The following FREM1 variants were observed in gnomAD, a reference collection of about 807,000 sequenced individuals.
FREM1 encodes FRAS1-related extracellular matrix protein 1.
In FREM1, 220 loss-of-function variants were observed where a neutral mutation model predicts 210.1. The ratio of observed to expected loss-of-function variants is 1.05; its 90% CI spans 0.94 to 1.17. The LOEUF (loss-of-function observed/expected upper bound fraction) is 1.17. Among genes scored for constraint, FREM1 ranks in the 50% most tolerant of loss-of-function variants. The pLI is 0.00. For synonymous variants in FREM1, 1,189 were observed against 980.2 expected, an observed-to-expected ratio of 1.21 and a Z score of -3.98; for missense variants, 3,454 against 2,675.5, an observed-to-expected ratio of 1.29 and a Z score of -6.42.
intron 36 of FREM1, among the ~76,000 whole-genome samples, chr9:14,739,122 G>C (rs1276320749): frequency 1.3e-5 from 2 of 149,918 alleles, no homozygotes; most frequent in East Asian, 2.0e-4. Flanking sequence ...ATTATTATTT[G>C]AGACAGGGTC....
chr9:14,747,021 T>A lies in FREM1; in HGVS notation c.6040A>T (p.Thr2014Ser), dbSNP rs767740329. The A allele has an allele frequency of 1.2e-6, 2 of 1,613,032 alleles. No individual in the cohort carries two copies. The highest frequency in any genetic ancestry group is 1.7e-6 in the Non-Finnish European group (2 of 1,179,500). ...DQLPSFPKNC[T>S]LELKGLFHFE... is the part of the protein sequence containing the mutation. Reference sequence around the variant, plus strand: ...TGGAAGAGTCCCTTTAATTCCAGAGTGCAGTTCTTTGGAAATGAGGGCAAC... The same window carrying A: ...TGGAAGAGTCCCTTTAATTCCAGAGAGCAGTTCTTTGGAAATGAGGGCAAC... The change falls in exon 34 of 37, where the codon ACT becomes TCT. Residue 2014 changes from threonine to serine, a missense_variant. By Grantham distance (58) the Thr-to-Ser change is moderately conservative. Coordinates refer to ENST00000380880, the MANE Select transcript of FREM1 (RefSeq NM_001379081.2).
rs1001470124 is a variant in FREM1, at chr9:14,824,900, C to A, written c.1974G>T (p.Val658=). 3.1e-6 allele frequency: 5 copies of A among 1,612,074 alleles called. No individual in the cohort carries two copies. In the African/African-American group the frequency reaches 6.7e-5, roughly 22 times the overall value. ...SRHLVVKETE[V]AYITKKQLHF... is the part of the protein sequence containing the mutation. ...GTAGCTGTTTCTTAGTTATATAGGCCACCTCAGTTTCCTTGACAACCAAAT... is the reference window on the plus strand; with the variant it reads ...GTAGCTGTTTCTTAGTTATATAGGCAACCTCAGTTTCCTTGACAACCAAAT... The change falls in exon 11 of 37, where the codon GTG becomes GTT. Residue 658 remains valine, a synonymous_variant. Coordinates refer to ENST00000380880, the MANE Select transcript of FREM1 (RefSeq NM_001379081.2).
At chr9:14,891,551 A>T (rs963301574) in intron 1 of FREM1, among the ~76,000 whole-genome samples, 2 of 152,146 alleles carry the variant, frequency 1.3e-5, no homozygotes, top group Non-Finnish European at 2.9e-5. Flanking sequence ...ACACAGCAAG[A>T]CCCTGCCTCA....
At chr9:14,891,161 C>G (rs984015418) in intron 1 of FREM1, among the ~76,000 whole-genome samples, 1 of 152,200 alleles carries the variant, frequency 6.6e-6, no homozygotes, top group Non-Finnish European at 1.5e-5. Context: ...CAACACCAAA[C>G]TGTGTAAAAG....
intron 1 of FREM1, among the ~76,000 whole-genome samples, chr9:14,902,178 C>T (rs1266188027): frequency 6.6e-6 from 1 of 152,156 alleles, no homozygotes; most frequent in Non-Finnish European, 1.5e-5. Context: ...CAACTTCCAT[C>T]ACTCCTGGAC....
chr9:14,785,152 T>C (rs1850219306), intron 23 of FREM1, among the ~76,000 whole-genome samples: 1 of 152,244 alleles, frequency 6.6e-6, no homozygotes, highest in South Asian at 2.1e-4. Flanking sequence ...ATTGCAGTAC[T>C]GTCTGTAATT....
chr9:14,789,592 CA>C (rs1182341384), intron 22 of FREM1, among the ~76,000 whole-genome samples: 2 of 152,094 alleles, frequency 1.3e-5, no homozygotes, highest in Admixed American at 1.3e-4. Flanking sequence ...AAAAATAGAA[CA>C]GATGCATTTA....
intron 8 of FREM1, among the ~76,000 whole-genome samples, chr9:14,845,013 T>C (rs1826337033): frequency 6.6e-6 from 1 of 152,240 alleles, no homozygotes; most frequent in Non-Finnish European, 1.5e-5. Flanking sequence ...TTATCATACA[T>C]TTATTATTTT....
Position 14,770,685 on chromosome 9 carries a change from T to A in FREM1, c.4979A>T (p.Asp1660Val). ...GATCTGATCGTCCTCAGTGTCAGGG[T>A]CTGATGCCTTCAACACGCGGGAAGT... ...YITSRVLKAS[D>V]PDTEDDQIIF... Residue 1660 changes from aspartate (D) to valine (V), a missense_variant, in exon 26 of 37, where the codon GAC (aspartate) becomes GTC (valine). Physicochemically the swap from Asp to Val is radical, Grantham distance 152 (BLOSUM62 -3). Coordinates refer to ENST00000380880, the MANE Select transcript of FREM1 (RefSeq NM_001379081.2). 6.2e-7 allele frequency: 1 copy of A among 1,613,554 alleles called. No homozygotes were observed. The highest frequency in any genetic ancestry group is 8.5e-7 in the Non-Finnish European group (1 of 1,179,566).
chr9:14,802,157 G>C (rs774301732), intron 19 of FREM1, among the ~76,000 whole-genome samples: 3 of 152,160 alleles, frequency 2.0e-5, no homozygotes, highest in Non-Finnish European at 2.9e-5. Flanking sequence ...TTGTTCATAA[G>C]TCAAAGGTCA....
At chr9:14,871,105 C>A (rs891993485) in intron 1 of FREM1, among the ~76,000 whole-genome samples, 1 of 152,240 alleles carries the variant, frequency 6.6e-6, no homozygotes, top group African/African-American at 2.4e-5. Context: ...AATGGAGCTG[C>A]AATAAACATA....
At chr9:14,781,449 T>G (rs1238653343) in intron 24 of FREM1, among the ~76,000 whole-genome samples, 1 of 152,246 alleles carries the variant, frequency 6.6e-6, no homozygotes, top group Non-Finnish European at 1.5e-5. Context: ...ACTCTTATTA[T>G]TTACTAGTTT....
intron 22 of FREM1, chr9:14,791,142 T>C (rs986106751): frequency 6.6e-6 from 1 of 152,202 alleles, no homozygotes; most frequent in Admixed American, 6.5e-5. Flanking sequence ...AAATAAACAT[T>C]TGGACTGATT....
intron 12 of FREM1, among the ~76,000 whole-genome samples, chr9:14,823,756 C>T (rs1022043017): frequency 2.6e-5 from 4 of 152,152 alleles, no homozygotes; most frequent in African/African-American, 7.2e-5. Flanking sequence ...ACACCAGATA[C>T]CCAAACTAGA....
chr9:14,775,746 GT>G (rs772302154), intron 25 of FREM1, 42 bp downstream of exon 25: 2 of 871,490 alleles, frequency 2.3e-6, no homozygotes, highest in Non-Finnish European at 3.6e-6. Context: ...CGATGTCACT[GT>G]TTTCACATCT....
intron 29 of FREM1, among the ~76,000 whole-genome samples, chr9:14,755,906 T>C (rs575765131): frequency 1.3e-5 from 2 of 152,320 alleles, no homozygotes; most frequent in Admixed American, 6.5e-5. Flanking sequence ...ACAAAGTAAG[T>C]GCTACTTAAC....
At chr9:14,858,557 A>C (rs1829228048) in intron 4 of FREM1, among the ~76,000 whole-genome samples, 1 of 151,736 alleles carries the variant, frequency 6.6e-6, no homozygotes, top group Non-Finnish European at 1.5e-5. Flanking sequence ...AAATAGAACA[A>C]ATGTGCCGTT....
chr9:14,745,070 A>T (rs191384301), intron 35 of FREM1, among the ~76,000 whole-genome samples: 1 of 152,324 alleles, frequency 6.6e-6, no homozygotes, highest in South Asian at 2.1e-4. Context: ...TGATGAGAAC[A>T]CATGGACACA....
chr9:14,755,551 G>A (rs893466670), intron 29 of FREM1, among the ~76,000 whole-genome samples: 2 of 152,224 alleles, frequency 1.3e-5, no homozygotes, highest in Non-Finnish European at 2.9e-5. Flanking sequence ...GTGGCATGCA[G>A]TGAGTGAGGC....
Sources: gnomAD v4.1 joint callset for allele counts (sites outside exome capture counted in the v4.1 genomes callset) on GRCh38, gnomAD v4.1.1 for gene constraint, MANE v1.5 for transcripts, NCBI Gene and HGNC (gene_info 2026-07-23, HGNC 2026-07-21) for gene names.